Variants in LRIT1 observed in about 807,000 individuals in gnomAD.
The protein encoded by LRIT1 is leucine-rich repeat, immunoglobulin-like domain and transmembrane domain-containing protein 1.
A neutral mutation model predicts 24.0 loss-of-function variants in LRIT1; 23 were observed. The observed-to-expected ratio is 0.96, with a 90% CI of 0.69 to 1.36. The LOEUF is 1.36. LRIT1 is among the 40% of genes most tolerant of loss of function. The pLI is 0.00. For missense variants in LRIT1, 846 were observed against 806.3 expected (o/e 1.05, Z -0.60); for synonymous variants, 361 against 340.5 (o/e 1.06, Z -0.66).
intron 2 of LRIT1, among the ~76,000 whole-genome samples, 176 bp downstream of exon 2, chr10:84,237,044 T>A (rs1800146681): frequency 1.3e-5 from 2 of 152,190 alleles, no homozygotes; most frequent in African/African-American, 4.8e-5. Flanking sequence ...ATGACTGCGA[T>A]ATGAACTGCC....
chr10:84,232,388 T>C lies in LRIT1; in HGVS notation c.1411A>G (p.Met471Val), dbSNP rs767409434. The change falls in exon 4 of 4, where the codon ATG becomes GTG. Residue 471 changes from methionine (M) to valine (V), a missense_variant. By Grantham distance (21) the Met-to-Val change is conservative. Coordinates refer to ENST00000372105, the MANE Select transcript of LRIT1 (RefSeq NM_015613.3). ...CCAGGCTGCACAATCACCCGCCGCA[T>C]GCTGTGCTGCCCAAAGACCGCGTAG... is the stretch of plus-strand genomic sequence containing the variant. ...VLYAVFGQHS[M>V]RRVIVQPGKT... 10 of 1,613,954 alleles carry C rather than the reference T, an allele frequency of 6.2e-6. No individual in the cohort carries two copies. The highest frequency in any genetic ancestry group is 1.6e-4 in the Middle Eastern group (1 of 6,084).
At position 84,234,375 on chromosome 10, in the gene LRIT1, A is replaced by G; in HGVS notation, c.593T>C (p.Leu198Pro). 1 of 1,535,426 alleles carries G rather than the reference A, an allele frequency of 6.5e-7. No homozygotes were observed. The highest frequency in any genetic ancestry group is 1.3e-5 in the South Asian group (1 of 78,620). ...GTCACATGCCCAGGGGTTGTCCTGT[A>G]GCCCTGCAGGAGTAAAAAAGAAGAC... ...PGHHPRRVLG[L>P]QDNPWACDCR... Residue 198 changes from leucine (L) to proline (P), a missense_variant, in exon 3 of 4, where the codon CTA (leucine) becomes CCA (proline). Transcript: ENST00000372105.
chr10:84,241,363 T>C lies in LRIT1; in HGVS notation c.77A>G (p.Gln26Arg), dbSNP rs1277168283. Residue 26 changes from glutamine to arginine, a missense_variant, in exon 1 of 4, where the codon CAA (glutamine) becomes CGA (arginine). Coordinates refer to ENST00000372105, the MANE Select transcript of LRIT1 (RefSeq NM_015613.3). Reference protein sequence around the residue: ...PPQARGFCPSQCSCSLHIMGD... With the variant: ...PPQARGFCPSRCSCSLHIMGD... ...CATGATATGGAGGCTGCAGCTGCAT[T>C]GAGAGGGGCAGAAGCCCCGGGCCTG... 1.2e-6 allele frequency: 2 copies of C among 1,613,186 alleles called. No individual in the cohort carries two copies. The highest frequency in any genetic ancestry group is 4.5e-5 in the East Asian group (2 of 44,832).
rs1212644254 is a variant in LRIT1, at chr10:84,237,526, G to A, written c.283C>T (p.Leu95Phe). ...AGCATGAGGGCGTTGAGCTCGCTGA[G>A]GGCGTTGTAAGGCAGCCACAGCTGC... is the stretch of plus-strand genomic sequence containing the variant. ...LEQLWLPYNA[L>F]SELNALMLRG... Residue 95 changes from leucine (L) to phenylalanine (F), a missense_variant, in exon 2 of 4, where the codon CTC (leucine) becomes TTC (phenylalanine). Physicochemically the swap from Leu to Phe is conservative, Grantham distance 22 (BLOSUM62 0). Coordinates refer to ENST00000372105, the MANE Select transcript of LRIT1 (RefSeq NM_015613.3). 1 of 1,604,680 alleles carries A rather than the reference G, an allele frequency of 6.2e-7. No homozygotes were observed. Among genetic ancestry groups the A allele is most frequent in the East Asian group, 2.2e-5 (1 of 44,820 alleles).
Position 84,237,381 on chromosome 10 carries a change from A to AG in LRIT1, c.427dup (p.Leu143ProfsTer7). ...CGCGGCCTCAGCGGGCACAGCCGAG[A>AG]GGCGGTTGGCCTGCAGGTCCAGCAG... On this transcript the variant is annotated frameshift_variant, in exon 2 of 4. Transcript: ENST00000372105. LOFTEE classifies it high-confidence loss of function. The AG allele has an allele frequency of 6.5e-7, 1 of 1,548,962 alleles. No homozygotes were observed.
At chr10:84,238,492 C>T (rs906947469) in intron 1 of LRIT1, among the ~76,000 whole-genome samples, 7 of 152,170 alleles carry the variant, frequency 4.6e-5, no homozygotes, top group Admixed American at 2.6e-4. Flanking sequence ...CGGAGCCATG[C>T]GATCGATGAT....
At chr10:84,241,181 C>A (rs1458164925) in intron 1 of LRIT1, 137 bp downstream of exon 1, 2 of 1,299,736 alleles carry the variant, frequency 1.5e-6, no homozygotes, top group East Asian at 4.7e-5. Context: ...ACAGTCCACC[C>A]CATAGGATCC....
At position 84,237,528 on chromosome 10, in the gene LRIT1, G is replaced by A. The variant is rs1842661157; in HGVS notation, c.281C>T (p.Ala94Val). The A allele has an allele frequency of 6.2e-7, 1 of 1,604,698 alleles. No homozygotes were observed. Residue 94 changes from alanine to valine, a missense_variant, in exon 2 of 4, where the codon GCC (alanine) becomes GTC (valine). Ala to Val is a moderately conservative substitution (Grantham distance 64). Transcript: ENST00000372105. ...RLEQLWLPYN[A>V]LSELNALMLR... ...CATGAGGGCGTTGAGCTCGCTGAGG[G>A]CGTTGTAAGGCAGCCACAGCTGCTC...
rs1233746413 is a variant in LRIT1, at chr10:84,241,379, C to G, written c.61G>C (p.Gly21Arg). ...LALAWPPQAR[G>R]FCPSQCSCSL... ...CAGCTGCATTGAGAGGGGCAGAAGCCCCGGGCCTGGGGGGGCCACGCAAGG... is the reference window on the plus strand; with the variant it reads ...CAGCTGCATTGAGAGGGGCAGAAGCGCCGGGCCTGGGGGGGCCACGCAAGG... Residue 21 changes from glycine to arginine, a missense_variant, in exon 1 of 4, where the codon GGC becomes CGC. By Grantham distance (125) the Gly-to-Arg change is moderately radical. Coordinates refer to ENST00000372105, the MANE Select transcript of LRIT1 (RefSeq NM_015613.3). 6.2e-7 allele frequency: 1 copy of G among 1,612,690 alleles called. No homozygotes were observed. Among genetic ancestry groups the G allele is most frequent in the Admixed American group, 1.7e-5 (1 of 59,872 alleles).
In LRIT1 at chr10:84,237,275, C is replaced by T. The variant is rs1191720068; in HGVS notation, c.534G>A (p.Trp178Ter). Residue 178 changes from tryptophan to a stop codon, truncating the protein, a stop_gained, in exon 2 of 4, where the codon TGG becomes TGA. Coordinates refer to ENST00000372105, the MANE Select transcript of LRIT1 (RefSeq NM_015613.3). LOFTEE classifies it high-confidence loss of function. ...GAAAGATACCGGTCTCCAGGTGAGCCCAGGAGACGATGAGCTCCTGCGGGA... is the reference window on the plus strand; with the variant it reads ...GAAAGATACCGGTCTCCAGGTGAGCTCAGGAGACGATGAGCTCCTGCGGGA... ...MRLPQELIVS[W>*]AHLETGIFPP... 1 of 1,550,922 alleles carries T rather than the reference C, an allele frequency of 6.4e-7. No individual in the cohort carries two copies.
In LRIT1 at chr10:84,237,331, G is replaced by A. The variant is rs1343500813; in HGVS notation, c.478C>T (p.Leu160Phe). 6.4e-7 allele frequency: 1 copy of A among 1,550,918 alleles called. No homozygotes were observed. Among genetic ancestry groups the A allele is most frequent in the Non-Finnish European group, 8.7e-7 (1 of 1,146,970 alleles). ...AARFLENLTF[L>F]DLSSNQLMRL... ...ATCAGCTGGTTGCTGGAGAGGTCGA[G>A]GAAGGTGAGGTTCTCCAGGAAGCGC... Residue 160 changes from leucine (L) to phenylalanine (F), a missense_variant, in exon 2 of 4, where the codon CTC becomes TTC. Leu to Phe is a conservative substitution (Grantham distance 22, BLOSUM62 0). Coordinates refer to ENST00000372105, the MANE Select transcript of LRIT1 (RefSeq NM_015613.3).
Position 84,237,245 on chromosome 10 carries a change from G to C in LRIT1, c.564C>G (p.Pro188=). 6.4e-7 allele frequency: 1 copy of C among 1,550,586 alleles called. No homozygotes were observed. Among genetic ancestry groups the C allele is most frequent in the East Asian group, 2.4e-5 (1 of 40,924 alleles). Residue 188 remains proline, a synonymous_variant, in exon 2 of 4, where the codon CCC becomes CCG. Transcript: ENST00000372105. ...WAHLETGIFP[P]GHHPRRVLGL... ...CTAGGACCCGCCTGGGGTGGTGGCC[G>C]GGAGGAAAGATACCGGTCTCCAGGT...
Position 84,231,582 on chromosome 10 carries a change from A to C in LRIT1, c.*345T>G, listed in dbSNP as rs1054924077. ...CCTGTGAGTGTGAAAATAAGTGTTC[A>C]CTGCTATACATCACCAAGATTTTGC... On this transcript the variant is annotated 3_prime_UTR_variant, in exon 4 of 4. Transcript: ENST00000372105. 4.7e-5 allele frequency: 13 copies of C among 274,074 alleles called. No individual in the cohort carries two copies. The highest frequency in any genetic ancestry group is 2.6e-4 in the African/African-American group (12 of 46,032). 17.0% of individuals were successfully genotyped at this position (274,074 alleles called of 1,614,324 possible).
In LRIT1 at chr10:84,237,588, AC is replaced by A. The variant is rs751146099; in HGVS notation, c.220del (p.Val74PhefsTer94). 5.4e-5 allele frequency: 86 copies of A among 1,606,546 alleles called. No individual in the cohort carries two copies. The highest frequency in any genetic ancestry group is 7.1e-5 in the Non-Finnish European group (84 of 1,179,784). On this transcript the variant is annotated frameshift_variant, in exon 2 of 4. Coordinates refer to ENST00000372105, the MANE Select transcript of LRIT1 (RefSeq NM_015613.3). LOFTEE classifies it high-confidence loss of function. The stretch of plus-strand genomic sequence containing the variant: ...CAGGGGCCTGAAGGCCTCGCCAGGA[AC>A]CCTGCGTATGGCCGTCCGCTCCAGG... ...LRLERTAIRR[V>X]PGEAFRPLGR... is the part of the protein sequence containing the mutation.
chr10:84,240,913 G>A (rs1360053537), intron 1 of LRIT1, among the ~76,000 whole-genome samples: 1 of 152,086 alleles, frequency 6.6e-6, no homozygotes, highest in Non-Finnish European at 1.5e-5. Flanking sequence ...GCAAGAGAGT[G>A]CAAGTGGCCT....
rs2132866434 is a variant in LRIT1, at chr10:84,237,432, G to T, written c.377C>A (p.Ala126Glu). 1.3e-6 allele frequency: 2 copies of T among 1,548,230 alleles called. No homozygotes were observed. The highest frequency in any genetic ancestry group is 2.4e-5 in the East Asian group (1 of 41,254). Residue 126 changes from alanine to glutamate, a missense_variant, in exon 2 of 4, where the codon GCG becomes GAG. By Grantham distance (107) the Ala-to-Glu change is moderately radical. Transcript: ENST00000372105. ...CCGCAGCTTGGGGGCGTCCCTGAGC[G>T]CCGCCCAGGGGAAGGCGGCCAGGCG... The part of the protein sequence containing the change: ...GNRLAAFPWA[A>E]LRDAPKLRLL...
chr10:84,241,102 C>T lies in LRIT1; in HGVS notation c.122+216G>A, dbSNP rs1193124700. On this transcript the variant is annotated intron_variant, in intron 1 of 3. Transcript: ENST00000372105. Reference sequence around the variant, plus strand: ...GACATACTTGTGCCTCACCCTCGGGCCCATGTGTATAGATACCTGGTACCT... The same window carrying T: ...GACATACTTGTGCCTCACCCTCGGGTCCATGTGTATAGATACCTGGTACCT... Among the ~76,000 whole-genome samples the T allele has an allele frequency of 3.3e-5, 5 of 152,250 alleles. No homozygotes were observed. The East Asian group carries it at 9.7e-4, about 29-fold the overall frequency.
intron 1 of LRIT1, among the ~76,000 whole-genome samples, chr10:84,238,145 G>A (rs1842667757): frequency 6.6e-6 from 1 of 152,170 alleles, no homozygotes; most frequent in Non-Finnish European, 1.5e-5. Context: ...CCTGAGGTCA[G>A]GAGTTCAAGA....
intron 2 of LRIT1, among the ~76,000 whole-genome samples, chr10:84,234,579 C>A (rs1284978314): frequency 6.6e-6 from 1 of 152,138 alleles, no homozygotes; most frequent in Non-Finnish European, 1.5e-5. Context: ...ACTTTCTTTT[C>A]AGGGTTGCTT....
Sources: gnomAD v4.1 joint callset for allele counts (sites outside exome capture counted in the v4.1 genomes callset) on GRCh38, gnomAD v4.1.1 for gene constraint, MANE v1.5 for transcripts, NCBI Gene and HGNC (gene_info 2026-07-23, HGNC 2026-07-21) for gene names.